Variants in LAMA2 observed in about 807,000 individuals in gnomAD.
LAMA2 encodes the protein laminin subunit alpha 2.
A neutral mutation model predicts 364.8 loss-of-function variants in LAMA2; 269 were observed. The observed-to-expected ratio is 0.74, with a 90% CI of 0.67 to 0.82. LAMA2 has a LOEUF of 0.82. Among genes scored for constraint, LAMA2 ranks in the 40% least tolerant of loss-of-function variants. The probability of loss-of-function intolerance (pLI) is 0.00; values close to 1 mark genes in which losing one functional copy is unlikely to be tolerated. For synonymous variants in LAMA2, 1,379 were observed against 1,370.6 expected, an observed-to-expected ratio of 1.01 and a Z score of -0.14; for missense variants, 3,807 against 3,873.2, an observed-to-expected ratio of 0.98 and a Z score of 0.45.
chr6:129,513,054 C>A (rs905031948), intron 63 of LAMA2, among the ~76,000 whole-genome samples: 13 of 152,230 alleles, frequency 8.5e-5, no homozygotes, highest in African/African-American at 3.1e-4. Flanking sequence ...CTCTTTCAGC[C>A]CTGCATTAAG....
At chr6:129,077,251 AATTT>A (rs1271791244) in intron 3 of LAMA2, among the ~76,000 whole-genome samples, 3 of 152,264 alleles carry the variant, frequency 2.0e-5, no homozygotes, top group Non-Finnish European at 4.4e-5. Context: ...TGTGAAGAAT[AATTT>A]ATTTACTTAA....
intron 4 of LAMA2, among the ~76,000 whole-genome samples, chr6:129,114,533 CTTGT>C (rs1288772023): frequency 1.2e-4 from 18 of 152,022 alleles, no homozygotes; most frequent in Non-Finnish European, 1.3e-4. Flanking sequence ...TAAACTTTTG[CTTGT>C]TTGTTTGTTT....
intron 28 of LAMA2, among the ~76,000 whole-genome samples, chr6:129,326,706 TA>T (rs1249047752): frequency 6.9e-6 from 1 of 145,914 alleles, no homozygotes; most frequent in Non-Finnish European, 1.5e-5. Context: ...TATATAATTT[TA>T]TATACATATT....
chr6:128,965,767 C>T (rs961706099), intron 1 of LAMA2, among the ~76,000 whole-genome samples: 7 of 151,878 alleles, frequency 4.6e-5, no homozygotes, highest in Non-Finnish European at 1.0e-4. Flanking sequence ...ACAATGTTTA[C>T]AAGTGAATTG....
intron 58 of LAMA2, among the ~76,000 whole-genome samples, chr6:129,495,457 C>A (rs1049406051): frequency 6.6e-6 from 1 of 152,172 alleles, no homozygotes; most frequent in African/African-American, 2.4e-5. Flanking sequence ...GACAGTGTGA[C>A]CCCTCCCTCC....
chr6:129,445,045 A>G (rs995007221), intron 44 of LAMA2, among the ~76,000 whole-genome samples: 7 of 152,184 alleles, frequency 4.6e-5, no homozygotes, highest in Non-Finnish European at 1.0e-4. Context: ...GCTGTTTAAT[A>G]TAGGTCAACC....
chr6:129,379,040 G>A (rs1178982945), intron 34 of LAMA2, among the ~76,000 whole-genome samples: 1 of 152,188 alleles, frequency 6.6e-6, no homozygotes, highest in African/African-American at 2.4e-5. Context: ...AAAAGAATGA[G>A]TTCATGTCCT....
chr6:129,273,959 A>G (rs1196181206), intron 17 of LAMA2, among the ~76,000 whole-genome samples: 1 of 151,728 alleles, frequency 6.6e-6, no homozygotes, highest in Admixed American at 6.6e-5. Flanking sequence ...TTAGCAAATT[A>G]CTAAATAATA....
At chr6:129,427,920 C>CAGTA in intron 41 of LAMA2, 66 bp downstream of exon 41, 1 of 948,400 alleles carries the variant, frequency 1.1e-6, no homozygotes, top group Non-Finnish European at 1.7e-6. Flanking sequence ...GATATTCTAT[C>CAGTA]ACACTATTGG....
At chr6:128,927,633 T>C (rs1043145809) in intron 1 of LAMA2, among the ~76,000 whole-genome samples, 4 of 152,184 alleles carry the variant, frequency 2.6e-5, no homozygotes, top group African/African-American at 9.6e-5. Context: ...ATTTTCCTCC[T>C]GTTTCCAAAT....
intron 1 of LAMA2, among the ~76,000 whole-genome samples, chr6:128,950,808 A>G (rs920517105): frequency 6.6e-6 from 1 of 152,142 alleles, no homozygotes; most frequent in Non-Finnish European, 1.5e-5. Flanking sequence ...TATGTTTATT[A>G]TGTATGCCCA....
intron 1 of LAMA2, among the ~76,000 whole-genome samples, chr6:129,010,631 A>G (rs938417587): frequency 2.6e-5 from 4 of 152,254 alleles, no homozygotes; most frequent in African/African-American, 9.6e-5. Context: ...TTTCACATTG[A>G]GAAAAACTAG....
chr6:128,886,858 A>G (rs1384619272), intron 1 of LAMA2, among the ~76,000 whole-genome samples: 1 of 152,200 alleles, frequency 6.6e-6, no homozygotes, highest in Non-Finnish European at 1.5e-5. Flanking sequence ...GGAAATGACC[A>G]TGCAGTGATC....
chr6:129,119,433 T>C (rs2114915695), intron 4 of LAMA2, among the ~76,000 whole-genome samples: 1 of 152,262 alleles, frequency 6.6e-6, no homozygotes, highest in East Asian at 1.9e-4. Context: ...GACTATCTTG[T>C]ACAAGTATGT....
rs114093514 is a variant in LAMA2, at chr6:129,064,308, C to T, written c.396+4412C>T. Among the ~76,000 whole-genome samples the T allele has an allele frequency of 5.9e-3, 865 of 145,742 alleles. 13 individuals are homozygous for T. The highest frequency in any genetic ancestry group is 0.02 in the African/African-American group (810 of 39,544). On this transcript the variant is annotated intron_variant, in intron 3 of 64. Coordinates refer to ENST00000421865, the MANE Select transcript of LAMA2 (RefSeq NM_000426.4). Reference sequence around the variant, plus strand: ...GAAAGGCTATAGTAATAAATACCTACGTCAAAAAGAAGAAAGATCTAAAAT... The same window carrying T: ...GAAAGGCTATAGTAATAAATACCTATGTCAAAAAGAAGAAAGATCTAAAAT...
At chr6:129,311,543 C>T (rs1050782871) in intron 22 of LAMA2, among the ~76,000 whole-genome samples, 12 of 152,162 alleles carry the variant, frequency 7.9e-5, no homozygotes, top group African/African-American at 1.2e-4. Flanking sequence ...GAAATGTCTA[C>T]GGGGTCTACC....
intron 7 of LAMA2, among the ~76,000 whole-genome samples, chr6:129,149,711 C>T (rs1430370417): frequency 6.6e-6 from 1 of 152,156 alleles, no homozygotes; most frequent in Non-Finnish European, 1.5e-5. Flanking sequence ...CATGGTTTCT[C>T]CATCCATGGG....
At chr6:129,513,930 A>T (rs9483042) in intron 63 of LAMA2, among the ~76,000 whole-genome samples, 33 of 152,352 alleles carry the variant, frequency 2.2e-4, no homozygotes, top group African/African-American at 7.2e-4. Context: ...TTTAAAATTT[A>T]AAAAATCCTT....
intron 34 of LAMA2, among the ~76,000 whole-genome samples, chr6:129,376,837 C>T (rs1778401427): frequency 6.6e-6 from 1 of 152,138 alleles, no homozygotes; most frequent in South Asian, 2.1e-4. Context: ...ATAAATTTAT[C>T]TACATGATCA....
Sources: allele counts gnomAD v4.1 joint callset (sites outside exome capture counted in the v4.1 genomes callset), GRCh38; gene constraint gnomAD v4.1.1; transcripts MANE v1.5; gene names NCBI Gene and HGNC (gene_info 2026-07-23, HGNC 2026-07-21).